AFF1: variants seen among roughly 807,000 people sequenced by gnomAD.
AFF1 encodes AF4/FMR2 family member 1.
A neutral mutation model predicts 121.7 loss-of-function variants in AFF1; 48 were observed. The ratio of observed to expected loss-of-function variants is 0.39; its 90% confidence interval spans 0.31 to 0.50. The LOEUF (loss-of-function observed/expected upper bound fraction) is 0.50. Ranked by LOEUF, AFF1 falls within the 20% of genes least tolerant of loss-of-function variation. The pLI, the probability that AFF1 is intolerant of heterozygous loss-of-function variation, is 0.76. For synonymous variants in AFF1, 613 were observed against 563.0 expected, an observed-to-expected ratio of 1.09 and a Z score of -1.26; for missense variants, 1,523 against 1,511.7, an observed-to-expected ratio of 1.01 and a Z score of -0.12.
intron 1 of AFF1, chr4:86,935,736 GAGC>G (rs968606022): frequency 6.6e-6 from 1 of 152,358 alleles, no homozygotes; most frequent in African/African-American, 2.4e-5. Flanking sequence ...GTCTCGCTGA[GAGC>G]AGGAGGGAGG....
chr4:87,052,270 C>G (rs1452421875), intron 4 of AFF1, among the ~76,000 whole-genome samples: 1 of 152,036 alleles, frequency 6.6e-6, no homozygotes, highest in East Asian at 1.9e-4. Flanking sequence ...GTTTTCCCAG[C>G]TATTGGGAAA....
intron 2 of AFF1, chr4:87,007,195 T>C (rs1726225399): frequency 2.2e-6 from 3 of 1,390,586 alleles, no homozygotes; most frequent in Non-Finnish European, 2.8e-6. Context: ...TGCCCGGATG[T>C]CCATCAGGAT....
chr4:86,950,226 T>A (rs781346420), intron 2 of AFF1: 2 of 986,218 alleles, frequency 2.0e-6, no homozygotes, highest in Non-Finnish European at 3.2e-6. Context: ...TTGCCCCGGC[T>A]GGAGTGCAGT....
At chr4:86,983,490 T>C (rs1723939165) in intron 2 of AFF1, among the ~76,000 whole-genome samples, 1 of 151,868 alleles carries the variant, frequency 6.6e-6, no homozygotes, top group Non-Finnish European at 1.5e-5. Context: ...GATCACGCCA[T>C]TGCACTCCAT....
intron 1 of AFF1, among the ~76,000 whole-genome samples, chr4:86,942,829 C>T (rs1720564806): frequency 6.6e-6 from 1 of 152,204 alleles, no homozygotes; most frequent in Non-Finnish European, 1.5e-5. Flanking sequence ...ATAGGCAAAG[C>T]AGAAAAAGTC....
intron 4 of AFF1, among the ~76,000 whole-genome samples, chr4:87,082,061 CCTT>C (rs2149698962): frequency 6.6e-6 from 1 of 152,210 alleles, no homozygotes; most frequent in East Asian, 1.9e-4. Flanking sequence ...ATCTTTTCTG[CCTT>C]CTTTTAAAAT....
At chr4:87,034,281 G>C (rs572255307) in intron 2 of AFF1, among the ~76,000 whole-genome samples, 1 of 152,338 alleles carries the variant, frequency 6.6e-6, no homozygotes, top group South Asian at 2.1e-4. Flanking sequence ...GGGGAGGAAG[G>C]ATGCTAGATC....
At position 87,099,763 on chromosome 4, in the gene AFF1, T is replaced by C. The variant is rs909064085; in HGVS notation, c.1283+4794T>C. ...AGGTACTTGGAGAAACTGTGGTCAA[T>C]AAGACAAAATATTTTGTAACAAACT... On this transcript the variant is annotated intron_variant, in intron 8 of 20. Transcript: ENST00000395146. Among the ~76,000 whole-genome samples, 15 of 152,240 alleles carry C rather than the reference T, an allele frequency of 9.9e-5. No homozygotes were observed. The East Asian group carries it at 2.5e-3, about 25-fold the overall frequency.
In AFF1 at chr4:87,068,257, G is replaced by GCCCCCC. The variant is rs70957204; in HGVS notation, c.1060-15858_1060-15853dup. Reference sequence around the variant, plus strand: ...GGGCTATAATGTAAGCATGAAAATTGCCCCCCCCCCACTCCATGAATAAAT... The same window carrying GCCCCCC: ...GGGCTATAATGTAAGCATGAAAATTGCCCCCCCCCCCCCCCCACTCCATGAATAAAT... On this transcript the variant is annotated intron_variant, in intron 4 of 20. Coordinates refer to ENST00000395146, the MANE Select transcript of AFF1 (RefSeq NM_001166693.3). Among the ~76,000 whole-genome samples the GCCCCCC allele has an allele frequency of 6.6e-4, 79 of 120,168 alleles. 3 individuals are homozygous for GCCCCCC. Among genetic ancestry groups the GCCCCCC allele is most frequent in the Non-Finnish European group, 9.6e-4 (55 of 57,542 alleles). 78.8% of individuals were successfully genotyped at this position (120,168 alleles called of 152,430 possible). A position where few individuals can be genotyped will look rare whatever the true frequency, so the allele number is the denominator to read the frequency against.
At chr4:87,028,705 A>G (rs1476962449) in intron 2 of AFF1, among the ~76,000 whole-genome samples, 2 of 152,192 alleles carry the variant, frequency 1.3e-5, no homozygotes, top group Non-Finnish European at 2.9e-5. Flanking sequence ...CTCACACTGA[A>G]GGAAAGTGGA....
intron 16 of AFF1, among the ~76,000 whole-genome samples, chr4:87,130,697 C>T (rs1029029331): frequency 3.9e-5 from 6 of 152,144 alleles, no homozygotes; most frequent in South Asian, 2.1e-4. Context: ...AACTTCAGCA[C>T]GCACAAAGAA....
intron 2 of AFF1, among the ~76,000 whole-genome samples, chr4:86,958,874 AG>A (rs1398389906): frequency 6.6e-6 from 1 of 152,188 alleles, no homozygotes. Context: ...TTACTAGTTA[AG>A]GAAACAGTTG....
At chr4:86,997,193 T>A (rs999220549) in intron 2 of AFF1, among the ~76,000 whole-genome samples, 1 of 151,986 alleles carries the variant, frequency 6.6e-6, no homozygotes, top group Non-Finnish European at 1.5e-5. Flanking sequence ...ATTACAGGCA[T>A]GAGCCACCAC....
At chr4:87,025,476 C>A (rs1728432387) in intron 2 of AFF1, among the ~76,000 whole-genome samples, 1 of 152,146 alleles carries the variant, frequency 6.6e-6, no homozygotes, top group Non-Finnish European at 1.5e-5. Context: ...CATGTCAGTT[C>A]CTTCCGTCCT....
chr4:86,937,650 T>C (rs933088378), intron 1 of AFF1, among the ~76,000 whole-genome samples: 1 of 152,270 alleles, frequency 6.6e-6, no homozygotes, highest in African/African-American at 2.4e-5. Context: ...GGCACGATCA[T>C]AGCTCACTGC....
At chr4:87,064,677 G>A (rs973850971) in intron 4 of AFF1, among the ~76,000 whole-genome samples, 4 of 152,062 alleles carry the variant, frequency 2.6e-5, no homozygotes, top group Non-Finnish European at 4.4e-5. Context: ...TCAGGAATTC[G>A]AGACCAGCCT....
intron 1 of AFF1, among the ~76,000 whole-genome samples, chr4:86,942,801 A>C (rs578076790): frequency 6.6e-6 from 1 of 152,350 alleles, no homozygotes; most frequent in South Asian, 2.1e-4. Flanking sequence ...CATGGCAAGC[A>C]TGAAGACAAC....
At chr4:87,101,227 G>T (rs1725400231) in intron 8 of AFF1, among the ~76,000 whole-genome samples, 1 of 152,044 alleles carries the variant, frequency 6.6e-6, no homozygotes, top group South Asian at 2.1e-4. Flanking sequence ...AGAATGCACG[G>T]GCAGTCCTTA....
At chr4:87,111,702 A>C (rs943957716) in intron 11 of AFF1, among the ~76,000 whole-genome samples, 5 of 152,194 alleles carry the variant, frequency 3.3e-5, no homozygotes, top group African/African-American at 1.2e-4. Flanking sequence ...TTTCCATCAC[A>C]ACACCCAAAT....
Sources: gnomAD v4.1 joint callset for allele counts (sites outside exome capture counted in the v4.1 genomes callset) on GRCh38, gnomAD v4.1.1 for gene constraint, MANE v1.5 for transcripts, NCBI Gene and HGNC (gene_info 2026-07-23, HGNC 2026-07-21) for gene names.